The following UROS variants were observed in gnomAD, a reference collection of about 807,000 sequenced individuals.
UROS encodes the protein uroporphyrinogen-III synthase.
In UROS, 18 loss-of-function variants were observed where a neutral mutation model predicts 33.0. That is an observed-to-expected ratio of 0.55 (90% CI 0.38 to 0.81). The LOEUF (loss-of-function observed/expected upper bound fraction) is 0.81, where lower values mean the gene tolerates loss of function less well. Among genes scored for constraint, UROS ranks in the 30% least tolerant of loss-of-function variants. The probability of loss-of-function intolerance (pLI) is 0.00; values close to 1 mark genes in which losing one functional copy is unlikely to be tolerated. For missense variants in UROS, 293 were observed against 314.9 expected (o/e 0.93, Z 0.53); for synonymous variants, 114 against 121.1 (o/e 0.94, Z 0.38).
At chr10:125,821,759 CT>C (rs1174768624) in intron 1 of UROS, among the ~76,000 whole-genome samples, 2 of 152,122 alleles carry the variant, frequency 1.3e-5, no homozygotes, top group African/African-American at 4.8e-5. Context: ...TTTGATGGGT[CT>C]TTTTTGACAG....
chr10:125,798,613 G>A (rs1038498983), intron 6 of UROS, among the ~76,000 whole-genome samples: 1 of 152,224 alleles, frequency 6.6e-6, no homozygotes, highest in Non-Finnish European at 1.5e-5. Context: ...GCAGCCAGGA[G>A]TGGCTCTGCA....
At chr10:125,814,821 C>T (rs1024562191) in intron 4 of UROS, among the ~76,000 whole-genome samples, 3 of 152,124 alleles carry the variant, frequency 2.0e-5, no homozygotes, top group Admixed American at 1.3e-4. Flanking sequence ...AGGTGAACAA[C>T]GAATAGACAG....
chr10:125,788,836 A>T lies in UROS; in HGVS notation c.*32T>A. On this transcript the variant is annotated 3_prime_UTR_variant, in exon 10 of 10. Coordinates refer to ENST00000368797, the MANE Select transcript of UROS (RefSeq NM_000375.3). ...CATCCAGAGCCAGCCCAGCCCAGGG[A>T]GGCTGCATGGGGCCAGCGCTAGGTG... 2.6e-6 allele frequency: 4 copies of T among 1,558,256 alleles called. No homozygotes were observed. Among genetic ancestry groups the T allele is most frequent in the Non-Finnish European group, 3.5e-6 (4 of 1,152,302 alleles).
At chr10:125,796,257 A>G in intron 7 of UROS, 69 bp from the exon 8 acceptor site, 1 of 1,492,118 alleles carries the variant, frequency 6.7e-7, no homozygotes, top group Non-Finnish European at 9.4e-7. Flanking sequence ...ACCACTTCAC[A>G]GCACAGTTGG....
At chr10:125,805,689 A>G (rs1346530348) in intron 6 of UROS, among the ~76,000 whole-genome samples, 1 of 152,194 alleles carries the variant, frequency 6.6e-6, no homozygotes, top group Non-Finnish European at 1.5e-5. Flanking sequence ...GTATGTGGCT[A>G]GTGGCTACTG....
chr10:125,808,757 G>A (rs184499118), intron 5 of UROS, among the ~76,000 whole-genome samples: 1 of 152,366 alleles, frequency 6.6e-6, no homozygotes, highest in African/African-American at 2.4e-5. Context: ...AAGCTATTAA[G>A]CAGTGGCCAG....
chr10:125,816,528 G>T lies in UROS; in HGVS notation c.-26-3C>A. 6.2e-7 allele frequency: 1 copy of T among 1,614,096 alleles called. No individual in the cohort carries two copies. The highest frequency in any genetic ancestry group is 8.5e-7 in the Non-Finnish European group (1 of 1,179,988). ...TGCCTGGCAGTCCTTATAGGGCACT[G>T]CGACAGAGCAAGGAAACAGATCTTA... On this transcript the variant is annotated splice_region_variant and splice_polypyrimidine_tract_variant and intron_variant, in intron 1 of 9. Transcript: ENST00000368797.
At position 125,788,926 on chromosome 10, in the gene UROS, G is replaced by A. The variant is rs199925121; in HGVS notation, c.740C>T (p.Thr247Met). 1.6e-4 allele frequency: 251 copies of A among 1,609,414 alleles called. No homozygotes were observed. In the East Asian group the frequency reaches 4.2e-3, roughly 27 times the overall value. Residue 247 changes from threonine (T) to methionine (M), a missense_variant, in exon 10 of 10, where the codon ACG becomes ATG. Thr to Met is a moderately conservative substitution (Grantham distance 81, BLOSUM62 -1). Transcript: ENST00000368797. ...LPVSCTAESP[T>M]PQALATGIRK... Reference sequence around the variant, plus strand: ...GATGCCAGTGGCCAGGGCTTGTGGCGTGGGGCTCTCTGCAGTGCAGCTTAC... The same window carrying A: ...GATGCCAGTGGCCAGGGCTTGTGGCATGGGGCTCTCTGCAGTGCAGCTTAC...
At chr10:125,790,196 C>G (rs1395519719) in intron 9 of UROS, among the ~76,000 whole-genome samples, 1 of 152,154 alleles carries the variant, frequency 6.6e-6, no homozygotes, top group African/African-American at 2.4e-5. Context: ...TACTGCCTTG[C>G]TAAGCACCCA....
chr10:125,798,977 G>A (rs368182827), intron 6 of UROS, among the ~76,000 whole-genome samples: 84 of 152,238 alleles, frequency 5.5e-4, no homozygotes, highest in African/African-American at 2.0e-3. Context: ...ACATCCATCC[G>A]TAAGACATAA....
chr10:125,789,162 C>T, intron 9 of UROS, 157 bp from the exon 10 acceptor site: 1 of 1,418,840 alleles, frequency 7.0e-7, no homozygotes, highest in Non-Finnish European at 9.5e-7. Flanking sequence ...CCGATTCTAG[C>T]CCAGCTTCTG....
intron 1 of UROS, among the ~76,000 whole-genome samples, chr10:125,819,042 T>C (rs1290643559): frequency 6.6e-6 from 1 of 152,166 alleles, no homozygotes; most frequent in Non-Finnish European, 1.5e-5. Flanking sequence ...TGGAGTGCAG[T>C]GGTGCAATCT....
chr10:125,788,617 C>G lies in UROS; in HGVS notation c.*251G>C. On this transcript the variant is annotated 3_prime_UTR_variant, in exon 10 of 10. Transcript: ENST00000368797. ...TAGTCAGTGTGGTTTATTTGACTTC[C>G]TTCCTGCTGGGCACAGGAAGCTCTC... 1 of 1,401,948 alleles carries G rather than the reference C, an allele frequency of 7.1e-7. No homozygotes were observed. The highest frequency in any genetic ancestry group is 1.4e-5 in the African/African-American group (1 of 69,432). 86.8% of individuals were successfully genotyped at this position (1,401,948 alleles called of 1,614,324 possible).
rs993155662 is a variant in UROS at position 125,796,184 on chromosome 10, A to C, written c.480T>G (p.Ile160Met). ...GATACACAGTTATGCTTTCCATGGC[A>C]ATCCCTGGGCACAATCAAAAGCAGG... ...ILPKALKDKG[I>M]AMESITVYQT... The change falls in exon 8 of 10, where the codon ATT becomes ATG. Residue 160 changes from isoleucine to methionine, a missense_variant. Transcript: ENST00000368797. 10 of 1,614,028 alleles carry C rather than the reference A, an allele frequency of 6.2e-6. No homozygotes were observed. The African/African-American group carries it at 1.3e-4, about 22-fold the overall frequency.
At position 125,808,843 on chromosome 10, in the gene UROS, G is replaced by C. The variant is rs546938271; in HGVS notation, c.320-1356C>G. ...ACAGATGGCTCTCAAGAAATGTTTG[G>C]GGAATGCATATTTGGTCTAAGGTCT... On this transcript the variant is annotated intron_variant, in intron 5 of 9. Coordinates refer to ENST00000368797, the MANE Select transcript of UROS (RefSeq NM_000375.3). 3.6e-4 allele frequency among the ~76,000 whole-genome samples: 55 copies of C among 152,342 alleles called. No homozygotes were observed. The South Asian group carries it at 3.9e-3, about 11-fold the overall frequency.
intron 6 of UROS, among the ~76,000 whole-genome samples, chr10:125,800,837 T>A (rs972028544): frequency 1.3e-5 from 2 of 152,204 alleles, no homozygotes; most frequent in African/African-American, 4.8e-5. Flanking sequence ...CCCAAAGTGC[T>A]GGGATTACAG....
intron 7 of UROS, 123 bp downstream of exon 7, chr10:125,797,942 G>C: frequency 8.7e-7 from 1 of 1,148,586 alleles, no homozygotes; most frequent in Non-Finnish European, 1.3e-6. Context: ...TCCTGGCCTG[G>C]CTTATCCAAC....
At position 125,812,209 on chromosome 10, in the gene UROS, C is replaced by T; in HGVS notation, c.319+5G>A. The T allele has an allele frequency of 1.2e-6, 2 of 1,613,564 alleles. No homozygotes were observed. On this transcript the variant is annotated splice_donor_5th_base_variant and intron_variant, in intron 5 of 9. Coordinates refer to ENST00000368797, the MANE Select transcript of UROS (RefSeq NM_000375.3). Reference sequence around the variant, plus strand: ...TGTTGTTTTATTTTTACCTTGACTCCTTACCTAGAGAAGCAGTAGCATTTC... The same window carrying T: ...TGTTGTTTTATTTTTACCTTGACTCTTTACCTAGAGAAGCAGTAGCATTTC...
chr10:125,818,672 T>A (rs1564806438), intron 1 of UROS, among the ~76,000 whole-genome samples: 1 of 151,914 alleles, frequency 6.6e-6, no homozygotes, highest in Non-Finnish European at 1.5e-5. Flanking sequence ...GAGTAGAGGG[T>A]GTTTGCACAG....
Sources: gnomAD v4.1 joint callset for allele counts (sites outside exome capture counted in the v4.1 genomes callset) on GRCh38, gnomAD v4.1.1 for gene constraint, MANE v1.5 for transcripts, NCBI Gene and HGNC (gene_info 2026-07-23, HGNC 2026-07-21) for gene names.